The following CACNA1E variants were observed in gnomAD, a reference collection of about 807,000 sequenced individuals.
CACNA1E encodes calcium voltage-gated channel subunit alpha1 E.
In CACNA1E, 40 loss-of-function variants were observed where a neutral mutation model predicts 259.2. The observed-to-expected ratio is 0.15, with a 90% CI of 0.12 to 0.20. The LOEUF is 0.20. CACNA1E is among the 10% of genes least tolerant of loss of function. The probability of loss-of-function intolerance (pLI) is 1.00; values close to 1 mark genes in which losing one functional copy is unlikely to be tolerated. For missense variants in CACNA1E, 1,874 were observed against 3,040.1 expected (o/e 0.62, Z 9.02); for synonymous variants, 1,104 against 1,138.5 (o/e 0.97, Z 0.61).
At chr1:181,469,465 CA>C (rs1257668300) in intron 2 of CACNA1E, among the ~76,000 whole-genome samples, 1 of 151,668 alleles carries the variant, frequency 6.6e-6, no homozygotes, top group Non-Finnish European at 1.5e-5. Flanking sequence ...TGCTTTTAAA[CA>C]AACTGATTCA....
At chr1:181,473,784 G>A (rs1036460411) in intron 2 of CACNA1E, among the ~76,000 whole-genome samples, 3 of 152,186 alleles carry the variant, frequency 2.0e-5, no homozygotes, top group Non-Finnish European at 4.4e-5. Flanking sequence ...AATTAAAGTG[G>A]CTAAGATAAT....
intron 2 of CACNA1E, among the ~76,000 whole-genome samples, chr1:181,449,225 A>G (rs1315033519): frequency 6.6e-6 from 1 of 152,182 alleles, no homozygotes; most frequent in Non-Finnish European, 1.5e-5. Flanking sequence ...CAAGCCAGAG[A>G]TACTTCATTT....
chr1:181,696,733 G>A (rs1651747981), intron 7 of CACNA1E, among the ~76,000 whole-genome samples: 1 of 152,122 alleles, frequency 6.6e-6, no homozygotes. Flanking sequence ...CAGATAAGAT[G>A]TATTTTCAGA....
At position 181,772,171 on chromosome 1, in the gene CACNA1E, C is replaced by A. The variant is rs1659577051; in HGVS notation, c.5079C>A (p.Arg1693=). The change falls in exon 37 of 48, where the codon CGC becomes CGA. Residue 1693 remains arginine (R), a synonymous_variant. Coordinates refer to ENST00000367573, the MANE Select transcript of CACNA1E (RefSeq NM_001205293.3). ...TAPSGQNENE[R]CGTDLAYVYF... is the part of the protein sequence containing the mutation. ...CATCAGGGCAGAACGAGAACGAACG[C>A]TGCGGCACCGATCTGGCCTACGTGT... 5.0e-6 allele frequency: 8 copies of A among 1,614,026 alleles called. No individual in the cohort carries two copies. The highest frequency in any genetic ancestry group is 6.8e-6 in the Non-Finnish European group (8 of 1,179,880).
At chr1:181,599,137 AGT>A (rs1298504085) in intron 6 of CACNA1E, among the ~76,000 whole-genome samples, 1 of 146,532 alleles carries the variant, frequency 6.8e-6, no homozygotes, top group African/African-American at 2.5e-5. Flanking sequence ...GATAGGCCCC[AGT>A]GTGTGTTGTT....
chr1:181,420,628 A>G (rs1291386800), intron 2 of CACNA1E, among the ~76,000 whole-genome samples: 1 of 152,190 alleles, frequency 6.6e-6, no homozygotes, highest in Non-Finnish European at 1.5e-5. Context: ...CTTGATAATG[A>G]CTGCCACCAT....
At chr1:181,471,534 AT>A (rs201425857) in intron 2 of CACNA1E, among the ~76,000 whole-genome samples, 14 of 149,776 alleles carry the variant, frequency 9.3e-5, no homozygotes, top group African/African-American at 2.7e-4. Flanking sequence ...AGTTTCTTTG[AT>A]TTTTTTTTTA....
intron 43 of CACNA1E, among the ~76,000 whole-genome samples, chr1:181,786,875 G>A (rs957123031): frequency 1.3e-5 from 2 of 152,152 alleles, no homozygotes; most frequent in African/African-American, 4.8e-5. Flanking sequence ...GGGCTGGACT[G>A]TTTTTGAAAA....
rs72040839 is a variant in CACNA1E at position 181,795,767 on chromosome 1, A to AATATAT, written c.6208+738_6208+743dup. Among the ~76,000 whole-genome samples, 99 of 113,308 alleles carry AATATAT rather than the reference A, an allele frequency of 8.7e-4. 5 individuals are homozygous for AATATAT. In the East Asian group the frequency reaches 0.017, roughly 19 times the overall value. 74.3% of individuals were successfully genotyped at this position (113,308 alleles called of 152,430 possible). A position where few individuals can be genotyped will look rare whatever the true frequency, so the allele number is the denominator to read the frequency against. ...AATTTCTTTTAAGCTTTTTGCTTTAAATATATATATATATATATATTAGTC... is the reference window on the plus strand; with the variant it reads ...AATTTCTTTTAAGCTTTTTGCTTTAAATATATATATATATATATATATATATTAGTC... On this transcript the variant is annotated intron_variant, in intron 46 of 47. Transcript: ENST00000367573.
At chr1:181,430,880 T>C (rs1159368938) in intron 2 of CACNA1E, among the ~76,000 whole-genome samples, 1 of 152,196 alleles carries the variant, frequency 6.6e-6, no homozygotes, top group East Asian at 1.9e-4. Context: ...AATTCTTAGC[T>C]GTCTGATATT....
In CACNA1E at chr1:181,731,207, T is replaced by A; in HGVS notation, c.2273T>A (p.Met758Lys). The A allele has an allele frequency of 6.2e-7, 1 of 1,613,926 alleles. No individual in the cohort carries two copies. Among genetic ancestry groups the A allele is most frequent in the Middle Eastern group, 1.6e-4 (1 of 6,062 alleles). ...RDRRRRHHMS[M>K]WEPRSSHLRE... is the part of the protein sequence containing the mutation. Reference sequence around the variant, plus strand: ...AGAAGGAGAAGACACCACATGTCGATGTGGGAGCCACGCAGCAGCCACCTG... The same window carrying A: ...AGAAGGAGAAGACACCACATGTCGAAGTGGGAGCCACGCAGCAGCCACCTG... The change falls in exon 19 of 48, where the codon ATG becomes AAG. Residue 758 changes from methionine to lysine, a missense_variant. Met to Lys is a moderately conservative substitution (Grantham distance 95). Coordinates refer to ENST00000367573, the MANE Select transcript of CACNA1E (RefSeq NM_001205293.3).
At chr1:181,460,692 T>G (rs1223839509) in intron 2 of CACNA1E, among the ~76,000 whole-genome samples, 1 of 152,198 alleles carries the variant, frequency 6.6e-6, no homozygotes, top group Non-Finnish European at 1.5e-5. Context: ...CTTCATCTGT[T>G]TAATTCATTT....
At chr1:181,504,789 G>C (rs1454487579) in intron 1 of CACNA1E, among the ~76,000 whole-genome samples, 2 of 152,200 alleles carry the variant, frequency 1.3e-5, no homozygotes. Flanking sequence ...ACCATTCAAA[G>C]GAAGGAGCAT....
intron 7 of CACNA1E, among the ~76,000 whole-genome samples, chr1:181,680,618 C>T (rs185005354): frequency 3.3e-5 from 5 of 152,290 alleles, no homozygotes; most frequent in Admixed American, 6.5e-5. Context: ...GAAAACCTCC[C>T]GAGAGTGCTT....
intron 1 of CACNA1E, among the ~76,000 whole-genome samples, chr1:181,374,714 A>C (rs1654972309): frequency 6.6e-6 from 1 of 152,076 alleles, no homozygotes; most frequent in African/African-American, 2.4e-5. Flanking sequence ...TGATCCTCCT[A>C]CCTCAGCCTC....
chr1:181,752,316 G>A lies in CACNA1E; in HGVS notation c.3828+77G>A, dbSNP rs1657667455. 2.0e-5 allele frequency: 21 copies of A among 1,063,384 alleles called. No individual in the cohort carries two copies. The East Asian group carries it at 5.0e-4, about 25-fold the overall frequency. 65.9% of individuals were successfully genotyped at this position (1,063,384 alleles called of 1,614,324 possible). On this transcript the variant is annotated intron_variant, in intron 27 of 47. Transcript: ENST00000367573. ...CTTTAGCCATGGCTGGCCTGCCTTT[G>A]GAGAATTTGTTCTGGGAATATTCCT...
intron 7 of CACNA1E, among the ~76,000 whole-genome samples, chr1:181,698,238 C>T (rs1651900237): frequency 6.6e-6 from 1 of 152,180 alleles, no homozygotes; most frequent in South Asian, 2.1e-4. Flanking sequence ...TTTGTATTAT[C>T]CTTGATGCAA....
At chr1:181,785,558 G>C (rs1660781992) in intron 42 of CACNA1E, 140 bp downstream of exon 42, 8 of 860,774 alleles carry the variant, frequency 9.3e-6, no homozygotes, top group Non-Finnish European at 1.4e-5. Context: ...GAACTTTCTA[G>C]TGACGTGGAA....
In CACNA1E at chr1:181,408,790, T is replaced by G. The variant is rs1160475437; in HGVS notation, c.-14-4343T>G. Among the ~76,000 whole-genome samples, 4 of 152,222 alleles carry G rather than the reference T, an allele frequency of 2.6e-5. No individual in the cohort carries two copies. The East Asian group carries it at 7.7e-4, about 29-fold the overall frequency. The stretch of plus-strand genomic sequence containing the variant: ...AAGGGTTAGAGTCAGACTGGTGCTC[T>G]CAAAGCTTTCATTAGCTCGTTCTTG... On this transcript the variant is annotated intron_variant, in intron 1 of 11. Coordinates refer to the CACNA1E transcript ENST00000524607.
Sources: gnomAD v4.1 joint callset for allele counts (sites outside exome capture counted in the v4.1 genomes callset) on GRCh38, gnomAD v4.1.1 for gene constraint, MANE v1.5 for transcripts, NCBI Gene and HGNC (gene_info 2026-07-23, HGNC 2026-07-21) for gene names.